Variants in FANCI observed in about 807,000 individuals in gnomAD.
The protein encoded by FANCI is FA complementation group I.
FANCI carries 156 observed loss-of-function variants against 176.1 expected under a neutral mutation model. That is an observed-to-expected ratio of 0.89 (90% CI 0.78 to 1.01). The LOEUF is 1.01. Among genes scored for constraint, FANCI ranks in the 50% least tolerant of loss-of-function variants. The pLI is 0.00. For synonymous variants in FANCI, 613 were observed against 541.7 expected (o/e 1.13, Z -1.83); for missense variants, 1,678 against 1,534.1 (o/e 1.09, Z -1.57).
Position 89,316,574 on chromosome 15 carries a change from C to A in FANCI, c.*115C>A. ...GATGTTGGCATCTTGGTTCTGAACCCACTGAATTCAACTGCACCTTCAGTT... is the reference window on the plus strand; with the variant it reads ...GATGTTGGCATCTTGGTTCTGAACCAACTGAATTCAACTGCACCTTCAGTT... On this transcript the variant is annotated 3_prime_UTR_variant, in exon 38 of 38. Transcript: ENST00000310775. The A allele has an allele frequency of 8.4e-7, 1 of 1,195,836 alleles. No individual in the cohort carries two copies. Among genetic ancestry groups the A allele is most frequent in the East Asian group, 2.5e-5 (1 of 39,844 alleles). 74.1% of individuals were successfully genotyped at this position (1,195,836 alleles called of 1,614,324 possible). A position where few individuals can be genotyped will look rare whatever the true frequency, so the allele number is the denominator to read the frequency against.
intron 18 of FANCI, among the ~76,000 whole-genome samples, chr15:89,285,834 AG>A (rs2053794141): frequency 1.3e-5 from 2 of 152,238 alleles, no homozygotes; most frequent in East Asian, 3.9e-4. Flanking sequence ...GTTTACCTAA[AG>A]TGGTATGAAA....
chr15:89,266,365 G>A (rs2052961821), intron 9 of FANCI, among the ~76,000 whole-genome samples: 1 of 146,452 alleles, frequency 6.8e-6, no homozygotes, highest in Admixed American at 6.9e-5. Flanking sequence ...GTCTCACTGT[G>A]TTGCCCAGGC....
intron 2 of FANCI, among the ~76,000 whole-genome samples, chr15:89,256,962 A>G (rs778564389): frequency 7.2e-5 from 11 of 152,126 alleles, no homozygotes; most frequent in Non-Finnish European, 1.0e-4. Flanking sequence ...GCTAGAGTGC[A>G]GGGGCGTGAG....
chr15:89,299,932 T>C lies in FANCI; in HGVS notation c.2769T>C (p.Tyr923=). 1 of 1,614,138 alleles carries C rather than the reference T, an allele frequency of 6.2e-7. No homozygotes were observed. Among genetic ancestry groups the C allele is most frequent in the Non-Finnish European group, 8.5e-7 (1 of 1,179,994 alleles). ...TATTCAGTGCTGTGCAACAGTTCTATCAGCCCAAGATTCAGCAGTTTCTCA... is the reference window on the plus strand; with the variant it reads ...TATTCAGTGCTGTGCAACAGTTCTACCAGCCCAAGATTCAGCAGTTTCTCA... ...QKIFSAVQQF[Y]QPKIQQFLRA... The change falls in exon 25 of 38, where the codon TAT becomes TAC. Residue 923 remains tyrosine (Y), a synonymous_variant. Transcript: ENST00000310775.
In FANCI at chr15:89,261,641, T is replaced by C. The variant is rs764913720; in HGVS notation, c.345T>C (p.Ala115=). ...LVELANEFIS[A]VREGSLVNGK... ...AATTAGCCAATGAGTTTATTAGTGC[T>C]GTCAGAGAAGGCAGCCTAGTGAATG... Residue 115 remains alanine, a synonymous_variant, in exon 5 of 38, where the codon GCT becomes GCC. Transcript: ENST00000310775. The C allele has an allele frequency of 6.2e-7, 1 of 1,614,224 alleles. No individual in the cohort carries two copies. Among genetic ancestry groups the C allele is most frequent in the South Asian group, 1.1e-5 (1 of 91,086 alleles).
chr15:89,306,928 T>G (rs754086191), intron 32 of FANCI, among the ~76,000 whole-genome samples: 16 of 152,270 alleles, frequency 1.1e-4, no homozygotes, highest in Non-Finnish European at 2.2e-4. Context: ...AACATGTAGG[T>G]GTTAAATGCC....
chr15:89,248,611 A>G (rs899752828), intron 2 of FANCI, among the ~76,000 whole-genome samples: 3 of 152,110 alleles, frequency 2.0e-5, no homozygotes, highest in African/African-American at 7.2e-5. Context: ...GAATCATTCT[A>G]TAGACAAGAT....
At chr15:89,268,806 A>G (rs1018825671) in intron 10 of FANCI, among the ~76,000 whole-genome samples, 1 of 152,160 alleles carries the variant, frequency 6.6e-6, no homozygotes, top group African/African-American at 2.4e-5. Flanking sequence ...AAAAGTGGGA[A>G]AAAAGGTGAG....
intron 30 of FANCI, 38 bp from the exon 31 acceptor site, chr15:89,305,567 G>A: frequency 6.2e-7 from 1 of 1,609,070 alleles, no homozygotes; most frequent in Non-Finnish European, 8.5e-7. Flanking sequence ...CCCCACAGCT[G>A]TGTGTAGTGA....
At chr15:89,265,127 C>A (rs990133044) in intron 9 of FANCI, among the ~76,000 whole-genome samples, 1 of 152,172 alleles carries the variant, frequency 6.6e-6, no homozygotes, top group African/African-American at 2.4e-5. Flanking sequence ...GATCAGAGAA[C>A]ATTCTCAGGT....
chr15:89,257,348 T>C (rs903857044), intron 2 of FANCI, among the ~76,000 whole-genome samples: 4 of 152,212 alleles, frequency 2.6e-5, no homozygotes, highest in Non-Finnish European at 4.4e-5. Context: ...TTACAATGTA[T>C]CACAAATTGG....
At chr15:89,282,861 C>T (rs530403870) in intron 16 of FANCI, 27 of 433,066 alleles carry the variant, frequency 6.2e-5, no homozygotes, top group African/African-American at 4.0e-4. Context: ...AGTCTCTCAG[C>T]AGTCTTCTTA....
At chr15:89,267,207 C>T (rs2052999655) in intron 9 of FANCI, among the ~76,000 whole-genome samples, 1 of 151,988 alleles carries the variant, frequency 6.6e-6, no homozygotes, top group Non-Finnish European at 1.5e-5. Context: ...GTAGTCCCAA[C>T]TACTTGGGAG....
In FANCI at chr15:89,316,927, T is replaced by A. The variant is rs2055287740; in HGVS notation, c.*468T>A. 2 of 877,996 alleles carry A rather than the reference T, an allele frequency of 2.3e-6. No homozygotes were observed. The highest frequency in any genetic ancestry group is 1.9e-6 in the Non-Finnish European group (1 of 514,100). The allele number at this position is 877,996 out of a possible 1,614,324, so 54.4% of individuals were successfully genotyped here. ...CTTAATGCTAAGGTCAAAAGGAGAG[T>A]GAAAGGTTGAGAACAATTGCCACGA... On this transcript the variant is annotated 3_prime_UTR_variant, in exon 38 of 38. Coordinates refer to ENST00000310775, the MANE Select transcript of FANCI (RefSeq NM_001113378.2).
rs147247022 is a variant in FANCI at position 89,269,113 on chromosome 15, G to A, written c.882+588G>A. 9.0e-3 allele frequency among the ~76,000 whole-genome samples: 1,372 copies of A among 152,302 alleles called. 24 individuals are homozygous for A. The highest frequency in any genetic ancestry group is 9.3e-3 in the Non-Finnish European group (636 of 68,036). Reference sequence around the variant, plus strand: ...AAGTTAAAACACTACATAGCGTGAAGAACACCTATGTTCCCTTCACCTAGA... The same window carrying A: ...AAGTTAAAACACTACATAGCGTGAAAAACACCTATGTTCCCTTCACCTAGA... On this transcript the variant is annotated intron_variant, in intron 10 of 37. Coordinates refer to ENST00000310775, the MANE Select transcript of FANCI (RefSeq NM_001113378.2).
chr15:89,288,587 A>G (rs566616193), intron 18 of FANCI, among the ~76,000 whole-genome samples: 2 of 147,742 alleles, frequency 1.4e-5, no homozygotes, highest in East Asian at 2.0e-4. Context: ...TACTAAATCT[A>G]TTGATTTTCT....
intron 16 of FANCI, chr15:89,282,216 G>A (rs897801871): frequency 7.8e-6 from 2 of 257,952 alleles, no homozygotes; most frequent in African/African-American, 4.5e-5. Context: ...TCAGGGTAAT[G>A]TTCTAGTGTC....
intron 13 of FANCI, among the ~76,000 whole-genome samples, chr15:89,277,603 T>G: frequency 8.0e-6 from 1 of 124,400 alleles, no homozygotes; most frequent in African/African-American, 3.1e-5. Flanking sequence ...CAAAGTGAGA[T>G]CCTATCTCAA....
rs77107320 is a variant in FANCI, at chr15:89,273,297, A to G, written c.883-80A>G. On this transcript the variant is annotated intron_variant, in intron 10 of 37. Transcript: ENST00000310775. ...CTAGCCTGGGCAACAGAGAGACCCA[A>G]TCTTTTTTTTTTTAAAAAAAAAAAA... 2,899 of 767,006 alleles carry G rather than the reference A, an allele frequency of 3.8e-3. 69 individuals are homozygous for G. The highest frequency in any genetic ancestry group is 0.017 in the Middle Eastern group (47 of 2,822). 47.5% of individuals were successfully genotyped at this position (767,006 alleles called of 1,614,324 possible). A position where few individuals can be genotyped will look rare whatever the true frequency, so the allele number is the denominator to read the frequency against.
Sources: gnomAD v4.1 joint callset for allele counts (sites outside exome capture counted in the v4.1 genomes callset) on GRCh38, gnomAD v4.1.1 for gene constraint, MANE v1.5 for transcripts, NCBI Gene and HGNC (gene_info 2026-07-23, HGNC 2026-07-21) for gene names.